The following RIC1 variants were observed in gnomAD, a reference collection of about 807,000 sequenced individuals.
RIC1 encodes the protein RIC1 partner of RAB6A GEF complex.
A neutral mutation model predicts 169.0 loss-of-function variants in RIC1; 88 were observed. The observed-to-expected ratio is 0.52, with a 90% CI of 0.44 to 0.62. The LOEUF (loss-of-function observed/expected upper bound fraction) is 0.62, where lower values mean the gene tolerates loss of function less well. Among genes scored for constraint, RIC1 ranks in the 20% least tolerant of loss-of-function variants. The pLI, the probability that RIC1 is intolerant of heterozygous loss-of-function variation, is 0.00. For missense variants in RIC1, 1,877 were observed against 1,725.5 expected (o/e 1.09, Z -1.56); for synonymous variants, 790 against 601.5 (o/e 1.31, Z -4.59).
At chr9:5,655,118 G>C (rs1300220425) in intron 1 of RIC1, among the ~76,000 whole-genome samples, 1 of 152,104 alleles carries the variant, frequency 6.6e-6, no homozygotes, top group Non-Finnish European at 1.5e-5. Context: ...CCACTATTCT[G>C]TTGAAAAGCT....
Position 5,747,869 on chromosome 9 carries a change from A to G in RIC1, c.1452+364A>G, listed in dbSNP as rs183198137. Among the ~76,000 whole-genome samples, 66 of 152,328 alleles carry G rather than the reference A, an allele frequency of 4.3e-4. No individual in the cohort carries two copies. The Middle Eastern group carries it at 0.014, about 31-fold the overall frequency. ...TGTAATAATCTCATGGAAAGTGGCA[A>G]CATCAGCTAGTACTCTGTACAGCTG... On this transcript the variant is annotated intron_variant, in intron 12 of 25. Coordinates refer to ENST00000414202, the MANE Select transcript of RIC1 (RefSeq NM_020829.4).
chr9:5,771,497 A>G (rs1827218135), intron 23 of RIC1, among the ~76,000 whole-genome samples: 1 of 152,116 alleles, frequency 6.6e-6, no homozygotes, highest in African/African-American at 2.4e-5. Context: ...TGGGTATATA[A>G]TATTTCTGTG....
chr9:5,754,070 G>A (rs1483201198), intron 14 of RIC1, among the ~76,000 whole-genome samples: 1 of 152,156 alleles, frequency 6.6e-6, no homozygotes, highest in Non-Finnish European at 1.5e-5. Context: ...GCAGTTGGAA[G>A]AGAAGGAAAT....
intron 12 of RIC1, among the ~76,000 whole-genome samples, chr9:5,752,706 G>C (rs1186703286): frequency 1.3e-5 from 2 of 152,284 alleles, no homozygotes; most frequent in East Asian, 3.9e-4. Flanking sequence ...AAAGTGCTGG[G>C]ATTACAGGCG....
At chr9:5,650,347 A>G (rs573342963) in intron 1 of RIC1, among the ~76,000 whole-genome samples, 96 of 152,006 alleles carry the variant, frequency 6.3e-4, no homozygotes, top group Non-Finnish European at 1.1e-3. Context: ...GGGTGAGGCA[A>G]TCTCTATGCT....
At chr9:5,717,532 G>C (rs143197223) in intron 4 of RIC1, among the ~76,000 whole-genome samples, 2 of 152,172 alleles carry the variant, frequency 1.3e-5, no homozygotes, top group African/African-American at 2.4e-5. Flanking sequence ...AATGGGGTCA[G>C]TGTTCCAAAG....
intron 8 of RIC1, among the ~76,000 whole-genome samples, chr9:5,741,895 T>A (rs1426550416): frequency 6.6e-6 from 1 of 152,182 alleles, no homozygotes; most frequent in East Asian, 1.9e-4. Flanking sequence ...CTTTGAGAAC[T>A]GGATAACATT....
At chr9:5,777,413 AAAC>A (rs1827648678), downstream of RIC1, among the ~76,000 whole-genome samples, 1 of 151,884 alleles carries the variant, frequency 6.6e-6, no homozygotes, top group East Asian at 1.9e-4. Flanking sequence ...TAAAAAAAAA[AAAC>A]AAATTGAGTG....
chr9:5,695,222 A>G (rs1821818482), intron 3 of RIC1, among the ~76,000 whole-genome samples: 1 of 152,238 alleles, frequency 6.6e-6, no homozygotes. Context: ...TTTAGCAGGT[A>G]TGAAAATTCA....
chr9:5,728,266 G>A (rs1031520872), intron 6 of RIC1, among the ~76,000 whole-genome samples: 5 of 152,194 alleles, frequency 3.3e-5, no homozygotes, highest in South Asian at 2.1e-4. Flanking sequence ...CCCCAGCTTC[G>A]CTGCCATCTT....
At chr9:5,636,236 G>C (rs1375233879) in intron 1 of RIC1, among the ~76,000 whole-genome samples, 1 of 152,148 alleles carries the variant, frequency 6.6e-6, no homozygotes, top group Non-Finnish European at 1.5e-5. Context: ...TATTTCATCA[G>C]CATTTTATGG....
chr9:5,724,623 T>A (rs570796573), intron 6 of RIC1, among the ~76,000 whole-genome samples: 4 of 152,234 alleles, frequency 2.6e-5, no homozygotes, highest in African/African-American at 4.8e-5. Flanking sequence ...AGAGAGGACA[T>A]CCCTGTCTTG....
Position 5,770,182 on chromosome 9 carries a change from C to A in RIC1, c.3520C>A (p.Leu1174Ile), listed in dbSNP as rs758959870. 1.9e-6 allele frequency: 3 copies of A among 1,613,978 alleles called. No homozygotes were observed. The highest frequency in any genetic ancestry group is 3.3e-5 in the Admixed American group (2 of 60,016). Residue 1174 changes from leucine (L) to isoleucine (I), a missense_variant, in exon 23 of 26, where the codon CTC becomes ATC. Transcript: ENST00000414202. ...CAACATCCAGCGAAGTCAGAGCTGG[C>A]TCAGCAACATTGGCCCCACCCATCA... ...ISNIQRSQSW[L>I]SNIGPTHHEI... is the part of the protein sequence containing the mutation.
chr9:5,691,826 G>A (rs1299593701), intron 3 of RIC1, among the ~76,000 whole-genome samples: 1 of 151,942 alleles, frequency 6.6e-6, no homozygotes, highest in Non-Finnish European at 1.5e-5. Context: ...GCATGGTAGA[G>A]AAATAACTTC....
intron 2 of RIC1, among the ~76,000 whole-genome samples, chr9:5,663,180 G>A (rs777394289): frequency 6.6e-6 from 1 of 152,118 alleles, no homozygotes; most frequent in South Asian, 2.1e-4. Flanking sequence ...TTTTTTGAGT[G>A]TTGTGGTCTG....
rs757388304 is a variant in RIC1 at position 5,763,728 on chromosome 9, G to A, written c.2701G>A (p.Val901Ile). 1 of 1,614,190 alleles carries A rather than the reference G, an allele frequency of 6.2e-7. No homozygotes were observed. Among genetic ancestry groups the A allele is most frequent in the South Asian group, 1.1e-5 (1 of 91,088 alleles). ...TGAGTTCCCCCTCTTCCTGCAGACA[G>A]TTGTCCATTGTGCCAGGAAGACCGA... Reference protein sequence around the residue: ...ITEFPLFLQTVVHCARKTEYA... With the variant: ...ITEFPLFLQTIVHCARKTEYA... Residue 901 changes from valine to isoleucine, a missense_variant, in exon 19 of 26, where the codon GTT becomes ATT. This residue lies in a region of RIC1 where 92 missense variants were observed against 151.5 expected (regional missense o/e 0.61). Transcript: ENST00000414202. The surrounding 1 kb of genome is among the most constrained non-coding windows in gnomAD (Gnocchi z 5.2).
chr9:5,680,070 A>G (rs1229938026), intron 2 of RIC1, among the ~76,000 whole-genome samples: 2 of 152,198 alleles, frequency 1.3e-5, no homozygotes, highest in South Asian at 2.1e-4. Context: ...AATTTTGTCA[A>G]AGGCCTTTTC....
At position 5,650,200 on chromosome 9, in the gene RIC1, G is replaced by C. The variant is rs573682814; in HGVS notation, c.145-6383G>C. On this transcript the variant is annotated intron_variant, in intron 1 of 25. Coordinates refer to ENST00000414202, the MANE Select transcript of RIC1 (RefSeq NM_020829.4). ...TGCTGGTGGTTGCAGTGGATGACCA[G>C]GTGAGTGGGTAGGTCCTTGGATCCC... Among the ~76,000 whole-genome samples, 252 of 152,220 alleles carry C rather than the reference G, an allele frequency of 1.7e-3. 1 individual carries two copies. Among genetic ancestry groups the C allele is most frequent in the Middle Eastern group, 6.8e-3 (2 of 294 alleles).
At chr9:5,634,244 T>C (rs1817863103) in intron 1 of RIC1, among the ~76,000 whole-genome samples, 1 of 152,228 alleles carries the variant, frequency 6.6e-6, no homozygotes, top group Admixed American at 6.5e-5. Context: ...CCTTTGGATA[T>C]ATACCTAGAA....
Sources: gnomAD v4.1 joint callset for allele counts (sites outside exome capture counted in the v4.1 genomes callset) on GRCh38, gnomAD v4.1.1 for gene constraint, gnomAD v4.1.1 regional missense constraint, Gnocchi (gnomAD v3.1) non-coding constraint, MANE v1.5 for transcripts, NCBI Gene and HGNC (gene_info 2026-07-23, HGNC 2026-07-21) for gene names.